ADGRL2: variants seen among roughly 807,000 people sequenced by gnomAD.
ADGRL2 encodes adhesion G protein-coupled receptor L2, also known as calcium-independent alpha-latrotoxin receptor 2.
A neutral mutation model predicts 157.4 loss-of-function variants in ADGRL2; 44 were observed. The ratio of observed to expected loss-of-function variants is 0.28; its 90% CI spans 0.22 to 0.36. ADGRL2 has a LOEUF of 0.36. Ranked by LOEUF, ADGRL2 falls within the 10% of genes least tolerant of loss-of-function variation. The pLI is 1.00. For synonymous variants in ADGRL2, 585 were observed against 624.7 expected (o/e 0.94, Z 0.95); for missense variants, 1,510 against 1,768.9 (o/e 0.85, Z 2.63).
At chr1:81,518,267 G>T (rs77806152) in intron 2 of ADGRL2, among the ~76,000 whole-genome samples, 2,614 of 152,328 alleles carry the variant, frequency 0.017, 64 homozygotes, top group African/African-American at 0.06. Context: ...AGTGTGTCCT[G>T]GGAGTAGATC....
chr1:81,839,290 C>T (rs2092435984), intron 2 of ADGRL2, among the ~76,000 whole-genome samples: 1 of 151,998 alleles, frequency 6.6e-6, no homozygotes, highest in African/African-American at 2.4e-5. Flanking sequence ...CCTTTTTCCT[C>T]ATTTATTGAG....
At chr1:81,858,868 G>T (rs1164201868) in intron 2 of ADGRL2, among the ~76,000 whole-genome samples, 1 of 152,056 alleles carries the variant, frequency 6.6e-6, no homozygotes, top group Non-Finnish European at 1.5e-5. Flanking sequence ...ATTGGCTGTG[G>T]TTTATTTTCA....
intron 1 of ADGRL2, among the ~76,000 whole-genome samples, chr1:81,749,676 T>C (rs2085424924): frequency 6.6e-6 from 1 of 152,236 alleles, no homozygotes. Flanking sequence ...AATAAAACTA[T>C]GCTTGTTGAA....
At chr1:81,315,740 A>G (rs1165799543) in intron 1 of ADGRL2, among the ~76,000 whole-genome samples, 1 of 149,910 alleles carries the variant, frequency 6.7e-6, no homozygotes, top group African/African-American at 2.5e-5. Flanking sequence ...GATAAGTTCA[A>G]AATAAATGTA....
At chr1:81,795,421 T>C (rs1418897031), upstream of ADGRL2, among the ~76,000 whole-genome samples, 3 of 152,098 alleles carry the variant, frequency 2.0e-5, no homozygotes, top group African/African-American at 7.2e-5. Context: ...AATAAGTTTT[T>C]TTGTGTTTAA....
chr1:81,413,391 G>GA (rs1340053275), intron 1 of ADGRL2, among the ~76,000 whole-genome samples: 59 of 151,326 alleles, frequency 3.9e-4, no homozygotes, highest in Admixed American at 1.5e-3. Flanking sequence ...GGCAGAGCAG[G>GA]AAAAAAAATG....
At position 81,357,724 on chromosome 1, in the gene ADGRL2, G is replaced by A. The variant is rs76423719; in HGVS notation, c.-302+51215G>A. Among the ~76,000 whole-genome samples, 2,709 of 152,184 alleles carry A rather than the reference G, an allele frequency of 0.018. 113 individuals carry two copies. The East Asian group carries it at 0.19, about 11-fold the overall frequency. On this transcript the variant is annotated intron_variant, in intron 1 of 24. Coordinates refer to the ADGRL2 transcript ENST00000370721. ...GGGGCAGGCAGGCTTGGGGGTAGAA[G>A]GTAGGAAGTTAATACATTGCCTAAG...
intron 2 of ADGRL2, among the ~76,000 whole-genome samples, chr1:81,556,664 T>C (rs1459096336): frequency 6.6e-6 from 1 of 152,124 alleles, no homozygotes; most frequent in Non-Finnish European, 1.5e-5. Context: ...TACAGACATT[T>C]TATAAAGTAC....
intron 3 of ADGRL2, chr1:81,596,082 A>G (rs2081227214): frequency 5.8e-6 from 2 of 345,950 alleles, no homozygotes; most frequent in South Asian, 5.2e-5. Context: ...TTCTAATGCC[A>G]TCACAGTGGG....
At chr1:81,461,930 A>AGGGG (rs71693648) in intron 2 of ADGRL2, among the ~76,000 whole-genome samples, 30 of 67,248 alleles carry the variant, frequency 4.5e-4, no homozygotes, top group Non-Finnish European at 8.1e-4. Flanking sequence ...AAAAGAAGAA[A>AGGGG]GGGGGGGGGG....
intron 2 of ADGRL2, among the ~76,000 whole-genome samples, chr1:81,518,147 C>T (rs1402817607): frequency 1.3e-5 from 2 of 152,174 alleles, no homozygotes; most frequent in Admixed American, 6.5e-5. Flanking sequence ...GGAGTAGGAA[C>T]GCGTGAAAGG....
At position 81,990,838 on chromosome 1, in the gene ADGRL2, A is replaced by G. The variant is rs753531368; in HGVS notation, c.4103A>G (p.Glu1368Gly). The G allele has an allele frequency of 6.2e-7, 1 of 1,614,136 alleles. No individual in the cohort carries two copies. The highest frequency in any genetic ancestry group is 1.7e-5 in the Admixed American group (1 of 60,016). The part of the protein sequence containing the change: ...TDSYVSQLTA[E>G]AEDHLQSPNR... Reference sequence around the variant, plus strand: ...AGCTATGTCTCCCAACTGACAGCAGAGGCTGAAGATCACCTACAGTCCCCC... The same window carrying G: ...AGCTATGTCTCCCAACTGACAGCAGGGGCTGAAGATCACCTACAGTCCCCC... The change falls in exon 24 of 24, where the codon GAG (glutamate) becomes GGG (glycine). Residue 1368 changes from glutamate (E) to glycine (G), a missense_variant. Around this residue, in one of 4 missense-constraint regions of ADGRL2, gnomAD observed 327 missense variants for 310.1 expected, o/e 1.05. Transcript: ENST00000686636.
intron 1 of ADGRL2, among the ~76,000 whole-genome samples, chr1:81,712,706 G>A (rs143000259): frequency 1.3e-4 from 19 of 149,770 alleles, no homozygotes; most frequent in African/African-American, 4.7e-4. Flanking sequence ...ATAAGCCTCA[G>A]AAAACACACT....
At chr1:81,748,383 C>T (rs974162707) in intron 1 of ADGRL2, among the ~76,000 whole-genome samples, 3 of 146,826 alleles carry the variant, frequency 2.0e-5, no homozygotes, top group South Asian at 2.2e-4. Flanking sequence ...GAAGGAGAAT[C>T]GCTTGAACCC....
intron 2 of ADGRL2, among the ~76,000 whole-genome samples, chr1:81,784,830 A>T (rs1414635967): frequency 6.6e-6 from 1 of 152,116 alleles, no homozygotes; most frequent in East Asian, 1.9e-4. Flanking sequence ...GTCCAAAAAT[A>T]GTAAAAATGT....
intron 2 of ADGRL2, chr1:81,502,148 C>A (rs889157169): frequency 6.1e-5 from 97 of 1,594,080 alleles, no homozygotes; most frequent in Non-Finnish European, 7.5e-5. Context: ...AAAATATTTT[C>A]ATGTGCAGAA....
intron 2 of ADGRL2, among the ~76,000 whole-genome samples, chr1:81,521,957 T>C (rs1205291301): frequency 6.7e-6 from 1 of 148,350 alleles, no homozygotes; most frequent in Non-Finnish European, 1.5e-5. Flanking sequence ...GTATAATAAA[T>C]GTACTTTTTG....
At chr1:81,723,959 A>C (rs2084423649) in intron 1 of ADGRL2, among the ~76,000 whole-genome samples, 1 of 152,094 alleles carries the variant, frequency 6.6e-6, no homozygotes, top group Non-Finnish European at 1.5e-5. Flanking sequence ...TTCTATGCTT[A>C]AAATTCTCTT....
intron 1 of ADGRL2, among the ~76,000 whole-genome samples, chr1:81,416,918 C>G (rs1260769203): frequency 6.6e-6 from 1 of 152,142 alleles, no homozygotes. Context: ...TAGAATTGGG[C>G]TCAGTAGACC....
Sources: allele counts gnomAD v4.1 joint callset (sites outside exome capture counted in the v4.1 genomes callset), GRCh38; gene constraint gnomAD v4.1.1; regional missense constraint gnomAD v4.1.1; transcripts MANE v1.5; gene names NCBI Gene and HGNC (gene_info 2026-07-23, HGNC 2026-07-21).